The following CEACAM20 variants were observed in gnomAD, a reference collection of about 807,000 sequenced individuals.
The protein encoded by CEACAM20 is CEA cell adhesion molecule 20, also known as cell adhesion molecule CEACAM20.
A neutral mutation model predicts 61.2 loss-of-function variants in CEACAM20; 50 were observed. That is an observed-to-expected ratio of 0.82 (90% CI 0.65 to 1.03). CEACAM20 has a LOEUF of 1.03. Ranked by LOEUF, CEACAM20 falls within the 50% of genes least tolerant of loss-of-function variation. CEACAM20 has a pLI of 0.00. For missense variants in CEACAM20, 683 were observed against 736.4 expected (o/e 0.93, Z 0.84); for synonymous variants, 282 against 287.7 (o/e 0.98, Z 0.20).
Position 44,529,449 on chromosome 19 carries a change from G to A in CEACAM20, c.52+9C>T, listed in dbSNP as rs759946744. The A allele has an allele frequency of 3.7e-6, 6 of 1,611,414 alleles. No individual in the cohort carries two copies. The African/African-American group carries it at 4.0e-5, about 11-fold the overall frequency. Reference sequence around the variant, plus strand: ...CTCCTCCCGCATCTGAAGGAAGCAGGGCACTCACCTGAAAGCAGGATTCCC... The same window carrying A: ...CTCCTCCCGCATCTGAAGGAAGCAGAGCACTCACCTGAAAGCAGGATTCCC... On this transcript the variant is annotated intron_variant, in intron 1 of 11. Transcript: ENST00000614924.
At chr19:44,511,392 C>A (rs1409825469) in intron 10 of CEACAM20, among the ~76,000 whole-genome samples, 1 of 152,238 alleles carries the variant, frequency 6.6e-6, no homozygotes, top group African/African-American at 2.4e-5. Context: ...ATGTGCTGGT[C>A]CAGTACCACC....
chr19:44,520,342 G>C, intron 5 of CEACAM20, 132 bp downstream of exon 5: 2 of 1,239,202 alleles, frequency 1.6e-6, no homozygotes, highest in Non-Finnish European at 2.2e-6. Context: ...ACTTGGCCCT[G>C]TCCAGTGCCC....
intron 3 of CEACAM20, 96 bp downstream of exon 3, chr19:44,523,890 G>A: frequency 7.6e-7 from 1 of 1,310,304 alleles, no homozygotes; most frequent in East Asian, 2.5e-5. Flanking sequence ...AGGTAGACAA[G>A]TCCGCATCTG....
At chr19:44,510,929 T>G in intron 11 of CEACAM20, 101 bp downstream of exon 11, 1 of 1,424,218 alleles carries the variant, frequency 7.0e-7, no homozygotes, top group Non-Finnish European at 9.6e-7. Flanking sequence ...AAAGGGAAAT[T>G]TTTCTTCATA....
intron 6 of CEACAM20, 150 bp downstream of exon 6, chr19:44,516,796 T>C (rs1250893037): frequency 2.5e-6 from 2 of 789,632 alleles, no homozygotes; most frequent in South Asian, 1.8e-5. Context: ...CCACTAGGGG[T>C]TGGGATTCAA....
chr19:44,518,577 TA>T (rs908123692), intron 5 of CEACAM20, among the ~76,000 whole-genome samples: 23 of 146,938 alleles, frequency 1.6e-4, no homozygotes, highest in South Asian at 8.6e-4. Context: ...TGTCTCTATT[TA>T]AAAAAAAAAA....
At position 44,513,189 on chromosome 19, in the gene CEACAM20, G is replaced by A; in HGVS notation, c.1410C>T (p.Cys470=). The A allele has an allele frequency of 6.2e-7, 1 of 1,612,552 alleles. No individual in the cohort carries two copies. The highest frequency in any genetic ancestry group is 8.5e-7 in the Non-Finnish European group (1 of 1,178,748). ...TGTGTTACCGTCTGGCATTTCTGAT[G>A]CAGAGAAAATAGCCCAGTTCTGAGG... is the stretch of plus-strand genomic sequence containing the variant. ...AVASELGYFL[C]IRNARRPSRK... The change falls in exon 7 of 12, where the codon TGC becomes TGT. Residue 470 remains cysteine, a synonymous_variant. Transcript: ENST00000614924.
rs779881184 is a variant in CEACAM20, at chr19:44,506,170, G to A, written c.1782C>T (p.Pro594=). 1.2e-6 allele frequency: 2 copies of A among 1,613,584 alleles called. No individual in the cohort carries two copies. Among genetic ancestry groups the A allele is most frequent in the Admixed American group, 3.3e-5 (2 of 60,006 alleles). The part of the protein sequence containing the change: ...PEPNTYIQIN[P]SV ...AAGATCTCTGCTTCCATTAGACGGA[G>A]GGGTTGATTTGGATGTAAGTGTTGG... is the stretch of plus-strand genomic sequence containing the variant. The change falls in exon 12 of 12, where the codon CCC becomes CCT. Residue 594 remains proline (P), a synonymous_variant. Coordinates refer to ENST00000614924, the MANE Select transcript of CEACAM20 (RefSeq NM_001102597.3).
rs1312015733 is a variant in CEACAM20, at chr19:44,517,165, C to T, written c.1090G>A (p.Glu364Lys). The T allele has an allele frequency of 6.2e-7, 1 of 1,612,902 alleles. No individual in the cohort carries two copies. The highest frequency in any genetic ancestry group is 8.5e-7 in the Non-Finnish European group (1 of 1,179,876). ...GTCAGGCTGGAGTTGAGCTCTGCCTCTATGGTGCTGATCATCTCAGATGCC... is the reference window on the plus strand; with the variant it reads ...GTCAGGCTGGAGTTGAGCTCTGCCTTTATGGTGCTGATCATCTCAGATGCC... ...ESASEMISTI[E>K]AELNSSLTLQ... is the part of the protein sequence containing the mutation. The change falls in exon 6 of 12, where the codon GAG (glutamate) becomes AAG (lysine). Residue 364 changes from glutamate (E) to lysine (K), a missense_variant. Physicochemically the swap from Glu to Lys is moderately conservative, Grantham distance 56. Coordinates refer to ENST00000614924, the MANE Select transcript of CEACAM20 (RefSeq NM_001102597.3).
chr19:44,510,907 G>T (rs1568446648), intron 11 of CEACAM20, 123 bp downstream of exon 11: 1 of 1,148,486 alleles, frequency 8.7e-7, no homozygotes, highest in Non-Finnish European at 1.2e-6. Context: ...GGATGGAATT[G>T]AGAAGATTTT....
In CEACAM20 at chr19:44,520,535, G is replaced by A; in HGVS notation, c.969C>T (p.Ala323=). ...GLQRNDTGPY[A]CEVWNWGSRA... Reference sequence around the variant, plus strand: ...GGCTGCCCCAGTTCCAGACCTCACAGGCATAGGGCCCGGTGTCATTCCGCT... The same window carrying A: ...GGCTGCCCCAGTTCCAGACCTCACAAGCATAGGGCCCGGTGTCATTCCGCT... Residue 323 remains alanine (A), a synonymous_variant, in exon 5 of 12, where the codon GCC becomes GCT. Transcript: ENST00000614924. 1.9e-6 allele frequency: 3 copies of A among 1,613,982 alleles called. No homozygotes were observed. The highest frequency in any genetic ancestry group is 1.1e-5 in the South Asian group (1 of 91,084).
intron 2 of CEACAM20, 52 bp downstream of exon 2, chr19:44,525,049 G>T: frequency 6.3e-7 from 1 of 1,594,998 alleles, no homozygotes. Context: ...TCGGATGAGG[G>T]ATCTCCATGG....
intron 1 of CEACAM20, among the ~76,000 whole-genome samples, chr19:44,528,559 CT>C (rs1385895217): frequency 7.2e-5 from 11 of 152,032 alleles, no homozygotes; most frequent in African/African-American, 2.4e-4. Flanking sequence ...TTTTTTCACC[CT>C]TTGTCTCTGT....
intron 1 of CEACAM20, among the ~76,000 whole-genome samples, chr19:44,528,132 A>C (rs1971581621): frequency 6.9e-6 from 1 of 145,658 alleles, no homozygotes; most frequent in African/African-American, 2.7e-5. Flanking sequence ...TCCCACTGGT[A>C]TCTCTTTCTT....
intron 1 of CEACAM20, among the ~76,000 whole-genome samples, chr19:44,526,825 G>A (rs1050507567): frequency 6.6e-6 from 1 of 151,880 alleles, no homozygotes; most frequent in Non-Finnish European, 1.5e-5. Flanking sequence ...CGTGAGCCGA[G>A]ATTGTGCCAC....
intron 3 of CEACAM20, 97 bp downstream of exon 3, chr19:44,523,889 A>C (rs1971442983): frequency 3.1e-6 from 4 of 1,300,886 alleles, no homozygotes; most frequent in Non-Finnish European, 4.2e-6. Context: ...AAGGTAGACA[A>C]GTCCGCATCT....
In CEACAM20 at chr19:44,525,133, G is replaced by A. The variant is rs991002599; in HGVS notation, c.164C>T (p.Pro55Leu). The stretch of plus-strand genomic sequence containing the variant: ...TCTGCCATGAATCTGGGGTGTCCTG[G>A]GGGTCCCAAACACAGGCAGAACAAC... ...EDVVLPVFGT[P>L]RTPQIHGRSR... Residue 55 changes from proline to leucine, a missense_variant, in exon 2 of 12, where the codon CCC (proline) becomes CTC (leucine). By Grantham distance (98) the Pro-to-Leu change is moderately conservative. Coordinates refer to ENST00000614924, the MANE Select transcript of CEACAM20 (RefSeq NM_001102597.3). The A allele has an allele frequency of 6.2e-7, 1 of 1,610,832 alleles. No individual in the cohort carries two copies. The highest frequency in any genetic ancestry group is 8.5e-7 in the Non-Finnish European group (1 of 1,178,684).
At chr19:44,513,419 A>C in intron 6 of CEACAM20, 130 bp from the exon 7 acceptor site, 1 of 531,270 alleles carries the variant, frequency 1.9e-6, no homozygotes, top group South Asian at 2.5e-5. Context: ...GTTGGGAGGT[A>C]TCAGATTGTG....
intron 11 of CEACAM20, among the ~76,000 whole-genome samples, chr19:44,509,939 G>A (rs766873263): frequency 3.3e-5 from 5 of 152,146 alleles, no homozygotes; most frequent in Admixed American, 6.6e-5. Flanking sequence ...TAGAACGGAT[G>A]AAATGGATTA....
Sources: gnomAD v4.1 joint callset for allele counts (sites outside exome capture counted in the v4.1 genomes callset) on GRCh38, gnomAD v4.1.1 for gene constraint, MANE v1.5 for transcripts, NCBI Gene and HGNC (gene_info 2026-07-23, HGNC 2026-07-21) for gene names.